Variants in HDAC7 observed in about 807,000 individuals in gnomAD.
The protein encoded by HDAC7 is histone deacetylase 7A.
Under a neutral mutation model 115.5 loss-of-function variants are expected in HDAC7, and 26 were observed. The observed-to-expected ratio is 0.23, with a 90% confidence interval of 0.16 to 0.31. The LOEUF (loss-of-function observed/expected upper bound fraction) is 0.31. HDAC7 is among the 10% of genes least tolerant of loss of function. The pLI, the probability that HDAC7 is intolerant of heterozygous loss-of-function variation, is 1.00. For synonymous variants in HDAC7, 564 were observed against 550.9 expected (o/e 1.02, Z -0.33); for missense variants, 1,068 against 1,329.0 (o/e 0.80, Z 3.05).
chr12:47,796,291 G>A lies in HDAC7; in HGVS notation c.711C>T (p.Ser237=). The A allele has an allele frequency of 6.3e-7, 1 of 1,598,698 alleles. No homozygotes were observed. The change falls in exon 8 of 26, where the codon TCC becomes TCT. Residue 237 remains serine (S), a synonymous_variant. Coordinates refer to ENST00000080059, the MANE Select transcript of HDAC7 (RefSeq NM_015401.5). ...ATGCGGGCGTGCTGCTACTACTTGG[G>A]GAGGAGTCTGAGGGTTGGGGAGAGA... ...RRPAETLGDS[S]PSSSSTPASG...
At position 47,783,807 on chromosome 12, in the gene HDAC7, A is replaced by T. The variant is rs758314388; in HGVS notation, c.*34T>A. 1 of 1,603,386 alleles carries T rather than the reference A, an allele frequency of 6.2e-7. No individual in the cohort carries two copies. Among genetic ancestry groups the T allele is most frequent in the South Asian group, 1.1e-5 (1 of 88,928 alleles). On this transcript the variant is annotated 3_prime_UTR_variant, in exon 26 of 26. Coordinates refer to ENST00000080059, the MANE Select transcript of HDAC7 (RefSeq NM_015401.5). The stretch of plus-strand genomic sequence containing the variant: ...GGGGTTAGAAGAGAACCAGGTCCCA[A>T]GGGCATGGTGGGCGGGCAGATGGTT...
chr12:47,789,740 G>C, intron 17 of HDAC7, 73 bp downstream of exon 17: 1 of 1,393,734 alleles, frequency 7.2e-7, no homozygotes, highest in Non-Finnish European at 1.0e-6. Flanking sequence ...CTGGGGTTCT[G>C]GGCCTGGATT....
chr12:47,818,671 T>C (rs1337103605), intron 1 of HDAC7, among the ~76,000 whole-genome samples: 1 of 152,228 alleles, frequency 6.6e-6, no homozygotes, highest in East Asian at 1.9e-4. Flanking sequence ...TGAGGGCCGA[T>C]GCCCCATTCT....
chr12:47,784,354 C>T, intron 24 of HDAC7, 137 bp from the exon 25 acceptor site: 2 of 872,358 alleles, frequency 2.3e-6, no homozygotes, highest in Non-Finnish European at 3.4e-6. Context: ...AGGGTCGGCT[C>T]TCCCACCTGC....
At position 47,797,401 on chromosome 12, in the gene HDAC7, A is replaced by T; in HGVS notation, c.560T>A (p.Phe187Tyr). The T allele has an allele frequency of 1.2e-6, 2 of 1,613,434 alleles. No homozygotes were observed. Among genetic ancestry groups the T allele is most frequent in the Non-Finnish European group, 1.7e-6 (2 of 1,179,754 alleles). ...PSLPSDPPEH[F>Y]PLRKTVSEPN... ...CAGCTCACCTGTCTTGCGCAGAGGGAAGTGCTCTGGGGGGTCACTGGGCAG... is the reference window on the plus strand; with the variant it reads ...CAGCTCACCTGTCTTGCGCAGAGGGTAGTGCTCTGGGGGGTCACTGGGCAG... Residue 187 changes from phenylalanine to tyrosine, a missense_variant, in exon 6 of 26, where the codon TTC (phenylalanine) becomes TAC (tyrosine). Transcript: ENST00000080059. This position sits in a 1 kb window ranked among gnomAD's most constrained non-coding sequence, Gnocchi z 5.5.
chr12:47,786,090 G>C, intron 22 of HDAC7: 2 of 555,576 alleles, frequency 3.6e-6, no homozygotes, highest in Non-Finnish European at 6.1e-6. Context: ...TAAGGGCCTT[G>C]GGAAAGGCCC....
intron 1 of HDAC7, among the ~76,000 whole-genome samples, chr12:47,814,536 G>C (rs1944796720): frequency 2.0e-5 from 3 of 152,224 alleles, no homozygotes; most frequent in African/African-American, 7.2e-5. Context: ...CAGGGCCCTG[G>C]ACTCAGCCCC....
chr12:47,792,824 C>A (rs1317831639), intron 13 of HDAC7: 1 of 382,830 alleles, frequency 2.6e-6, no homozygotes, highest in African/African-American at 2.1e-5. Flanking sequence ...ACTAATTATG[C>A]CAAGAAGGAT....
intron 1 of HDAC7, 86 bp downstream of exon 1, chr12:47,819,681 G>A (rs943235975): frequency 2.6e-5 from 6 of 226,810 alleles, no homozygotes; most frequent in Non-Finnish European, 1.5e-5. Flanking sequence ...AGCCGGAGCC[G>A]GGGCCAGGGC....
rs1469577555 is a variant in HDAC7 at position 47,798,546 on chromosome 12, G to A, written c.349+16C>T. 2.5e-6 allele frequency: 4 copies of A among 1,611,542 alleles called. No individual in the cohort carries two copies. In the Admixed American group the frequency reaches 5.0e-5, roughly 20 times the overall value. ...GCTGGTGGGGCTGGGCTGGGCTGGG[G>A]TGGCCACCTCCTTACTTCGCTTGCT... On this transcript the variant is annotated intron_variant, in intron 4 of 25. Transcript: ENST00000080059. The surrounding 1 kb of genome is among the most constrained non-coding windows in gnomAD (Gnocchi z 4.3).
At chr12:47,790,298 G>A (rs1592639641) in intron 16 of HDAC7, 3 of 238,824 alleles carry the variant, frequency 1.3e-5, no homozygotes, top group South Asian at 1.1e-4. Flanking sequence ...TGGAGGGGCC[G>A]TCTGCACCAC....
chr12:47,784,309 C>A lies in HDAC7; in HGVS notation c.2792-92G>T, dbSNP rs570966106. 8.6e-6 allele frequency: 12 copies of A among 1,399,160 alleles called. No homozygotes were observed. The Admixed American group carries it at 2.8e-4, about 32-fold the overall frequency. 86.7% of individuals were successfully genotyped at this position (1,399,160 alleles called of 1,614,324 possible). A position where few individuals can be genotyped will look rare whatever the true frequency, so the allele number is the denominator to read the frequency against. On this transcript the variant is annotated intron_variant, in intron 24 of 25. Coordinates refer to ENST00000080059, the MANE Select transcript of HDAC7 (RefSeq NM_015401.5). Reference sequence around the variant, plus strand: ...GGATATTGAGGTTGGTGTCTCAGGCCCAGGGCCCCGGAGGAGCGGGCCTGT... The same window carrying A: ...GGATATTGAGGTTGGTGTCTCAGGCACAGGGCCCCGGAGGAGCGGGCCTGT...
Position 47,797,662 on chromosome 12 carries a change from G to A in HDAC7, c.462-163C>T, listed in dbSNP as rs971674409. Among the ~76,000 whole-genome samples the A allele has an allele frequency of 7.2e-5, 11 of 152,172 alleles. No homozygotes were observed. Among genetic ancestry groups the A allele is most frequent in the Non-Finnish European group, 1.2e-4 (8 of 68,012 alleles). On this transcript the variant is annotated intron_variant, in intron 5 of 25. Transcript: ENST00000080059. This position sits in a 1 kb window ranked among gnomAD's most constrained non-coding sequence, Gnocchi z 5.5. ...CATCTCCAGGTGGCAGCAGTGGGCC[G>A]CCTGTCCGCTCCAGCAGCTATAGTG...
intron 24 of HDAC7, chr12:47,784,994 C>T (rs1943088163): frequency 3.4e-6 from 2 of 590,086 alleles, no homozygotes; most frequent in South Asian, 2.0e-5. Flanking sequence ...GGGGTTATCC[C>T]AAGACGCAGC....
chr12:47,802,220 T>C lies in HDAC7; in HGVS notation c.70+4A>G, dbSNP rs756724327. ...CCATGGACTCCCCCGGGTTTGACTC[T>C]TACCTGCGCCAGTGGGGCTGCAGTA... On this transcript the variant is annotated splice_donor_region_variant and intron_variant, in intron 2 of 25. Transcript: ENST00000080059. 6.8e-6 allele frequency: 11 copies of C among 1,613,330 alleles called. No individual in the cohort carries two copies. In the Admixed American group the frequency reaches 1.3e-4, roughly 20 times the overall value.
intron 1 of HDAC7, among the ~76,000 whole-genome samples, chr12:47,809,663 C>T (rs1322554811): frequency 7.2e-5 from 11 of 152,024 alleles, no homozygotes; most frequent in Non-Finnish European, 1.3e-4. Context: ...CTCTGCCTCC[C>T]GGGTTCAAGT....
intron 1 of HDAC7, among the ~76,000 whole-genome samples, chr12:47,804,711 A>G (rs1231294466): frequency 6.6e-6 from 1 of 152,140 alleles, no homozygotes; most frequent in Non-Finnish European, 1.5e-5. Flanking sequence ...ATGTGGGCCT[A>G]CCAAGTCACC....
intron 1 of HDAC7, among the ~76,000 whole-genome samples, chr12:47,805,055 C>T (rs1046914580): frequency 7.9e-5 from 12 of 151,370 alleles, no homozygotes; most frequent in African/African-American, 2.2e-4. Flanking sequence ...CTCCCGATGC[C>T]TCCAGTGTCT....
Position 47,803,126 on chromosome 12 carries a change from C to T in HDAC7, c.20-852G>A, listed in dbSNP as rs1944245843. Among the ~76,000 whole-genome samples the T allele has an allele frequency of 6.6e-6, 1 of 152,190 alleles. No individual in the cohort carries two copies. Among genetic ancestry groups the T allele is most frequent in the Non-Finnish European group, 1.5e-5 (1 of 68,010 alleles). On this transcript the variant is annotated intron_variant, in intron 1 of 25. Coordinates refer to ENST00000080059, the MANE Select transcript of HDAC7 (RefSeq NM_015401.5). This position sits in a 1 kb window ranked among gnomAD's most constrained non-coding sequence, Gnocchi z 4.0. ...AGAAAGCCCCCAGGGGACATGGAGG[C>T]CAGCTGGGGTTGGAGAAGACAGAGA...
Sources: gnomAD v4.1 joint callset for allele counts (sites outside exome capture counted in the v4.1 genomes callset) on GRCh38, gnomAD v4.1.1 for gene constraint, Gnocchi (gnomAD v3.1) non-coding constraint, MANE v1.5 for transcripts, NCBI Gene and HGNC (gene_info 2026-07-23, HGNC 2026-07-21) for gene names.